GAN: variants seen among roughly 807,000 people sequenced by gnomAD.
The protein encoded by GAN is epididymis secretory sperm binding protein.
GAN carries 48 observed loss-of-function variants against 71.3 expected under a neutral mutation model. That is an observed-to-expected ratio of 0.67 (90% CI 0.53 to 0.86). The LOEUF (loss-of-function observed/expected upper bound fraction) is 0.86. GAN is among the 40% of genes least tolerant of loss of function. The pLI, the probability that GAN is intolerant of heterozygous loss-of-function variation, is 0.00. For missense variants in GAN, 928 were observed against 770.1 expected (o/e 1.21, Z -2.43); for synonymous variants, 386 against 276.8 (o/e 1.39, Z -3.92).
chr16:81,374,828 T>C (rs1047175874), intron 9 of GAN, among the ~76,000 whole-genome samples: 9 of 152,248 alleles, frequency 5.9e-5, no homozygotes, highest in African/African-American at 2.2e-4. Flanking sequence ...TTAGTGGTTA[T>C]TAAATTGATT....
rs778244338 is a variant in GAN at position 81,357,929 on chromosome 16, C to T, written c.971C>T (p.Ala324Val). The change falls in exon 5 of 11, where the codon GCA becomes GTA. Residue 324 changes from alanine to valine, a missense_variant and splice_region_variant. By Grantham distance (64) the Ala-to-Val change is moderately conservative. Coordinates refer to ENST00000648994, the MANE Select transcript of GAN (RefSeq NM_022041.4). ...AGAATTAACCATGGAGTTCTCTCAG[C>T]AGGTACCGTTCTGTGGCAAATTTTC... Reference protein sequence around the residue: ...MPRINHGVLSAEGFLFVFGGQ... With the variant: ...MPRINHGVLSVEGFLFVFGGQ... 19 of 1,613,396 alleles carry T rather than the reference C, an allele frequency of 1.2e-5. No homozygotes were observed. Among genetic ancestry groups the T allele is most frequent in the Non-Finnish European group, 1.6e-5 (19 of 1,179,538 alleles).
intron 1 of GAN, among the ~76,000 whole-genome samples, chr16:81,322,388 G>A (rs1909250407): frequency 6.6e-6 from 1 of 152,220 alleles, no homozygotes; most frequent in South Asian, 2.1e-4. Flanking sequence ...CAACCAACTG[G>A]CAAGGCCTTT....
intron 1 of GAN, among the ~76,000 whole-genome samples, chr16:81,334,073 A>G (rs1355768914): frequency 6.6e-6 from 1 of 152,216 alleles, no homozygotes; most frequent in Non-Finnish European, 1.5e-5. Context: ...TTCAAATCAC[A>G]TGACTCTCAA....
At chr16:81,363,711 C>T in intron 6 of GAN, 83 bp from the exon 7 acceptor site, 2 of 1,410,206 alleles carry the variant, frequency 1.4e-6, no homozygotes, top group East Asian at 2.3e-5. Context: ...TTATGTTTCT[C>T]TAATTTTTAT....
intron 1 of GAN, among the ~76,000 whole-genome samples, chr16:81,343,230 G>A (rs200824560): frequency 3.9e-5 from 6 of 152,098 alleles, no homozygotes; most frequent in Admixed American, 6.6e-5. Flanking sequence ...AAACTATTCC[G>A]ATCAATAGAA....
intron 1 of GAN, among the ~76,000 whole-genome samples, chr16:81,322,814 T>A (rs1909263094): frequency 6.6e-6 from 1 of 152,232 alleles, no homozygotes; most frequent in Non-Finnish European, 1.5e-5. Context: ...CTTTTGTCAC[T>A]TAAATTGTTT....
At chr16:81,340,594 C>A (rs1314947271) in intron 1 of GAN, among the ~76,000 whole-genome samples, 1 of 152,048 alleles carries the variant, frequency 6.6e-6, no homozygotes, top group East Asian at 1.9e-4. Context: ...GCATCAACAT[C>A]AACAAAAAGG....
chr16:81,353,653 G>A (rs1910382116), intron 2 of GAN, among the ~76,000 whole-genome samples: 1 of 152,166 alleles, frequency 6.6e-6, no homozygotes, highest in Non-Finnish European at 1.5e-5. Context: ...ATGCTTTGGG[G>A]TCGTCCACTT....
chr16:81,315,630 GC>G (rs1281841821), intron 1 of GAN, among the ~76,000 whole-genome samples: 1 of 152,136 alleles, frequency 6.6e-6, no homozygotes, highest in Non-Finnish European at 1.5e-5. Flanking sequence ...GCCGTCCTGG[GC>G]CGGCCGGGAC....
In GAN at chr16:81,365,453, G is replaced by C; in HGVS notation, c.1477G>C (p.Glu493Gln). ...TAGCGAGATGGTAACTTGCAAGTCCGAGTTCTACCATGATGAGTTTAAAAG... is the reference window on the plus strand; with the variant it reads ...TAGCGAGATGGTAACTTGCAAGTCCCAGTTCTACCATGATGAGTTTAAAAG... Reference protein sequence around the residue: ...QGSEMVTCKSEFYHDEFKRWI... With the variant: ...QGSEMVTCKSQFYHDEFKRWI... The change falls in exon 9 of 11, where the codon GAG becomes CAG. Residue 493 changes from glutamate to glutamine, a missense_variant. Coordinates refer to ENST00000648994, the MANE Select transcript of GAN (RefSeq NM_022041.4). 1 of 1,613,644 alleles carries C rather than the reference G, an allele frequency of 6.2e-7. No individual in the cohort carries two copies. Among genetic ancestry groups the C allele is most frequent in the Non-Finnish European group, 8.5e-7 (1 of 1,179,922 alleles).
intron 9 of GAN, among the ~76,000 whole-genome samples, chr16:81,373,228 T>G (rs1459483255): frequency 1.3e-5 from 2 of 152,104 alleles, no homozygotes. Context: ...GATGATGGAG[T>G]GATGACCATA....
chr16:81,345,807 C>G (rs1459205188), intron 1 of GAN, among the ~76,000 whole-genome samples: 1 of 152,176 alleles, frequency 6.6e-6, no homozygotes. Flanking sequence ...CCCCATCCTA[C>G]CACTGTCTGC....
chr16:81,353,332 A>G (rs1910368319), intron 2 of GAN, among the ~76,000 whole-genome samples: 1 of 152,008 alleles, frequency 6.6e-6, no homozygotes, highest in Non-Finnish European at 1.5e-5. Flanking sequence ...AAGTTATAAC[A>G]AACTCCTGAA....
intron 1 of GAN, among the ~76,000 whole-genome samples, chr16:81,317,059 A>G (rs768912386): frequency 6.6e-6 from 1 of 151,778 alleles, no homozygotes; most frequent in Non-Finnish European, 1.5e-5. Context: ...GGGTTTTACC[A>G]TGTTGGCCAG....
At chr16:81,324,300 G>T (rs1041861444) in intron 1 of GAN, among the ~76,000 whole-genome samples, 1 of 151,664 alleles carries the variant, frequency 6.6e-6, no homozygotes, top group Non-Finnish European at 1.5e-5. Flanking sequence ...AGCAGTAAAG[G>T]GGTCTAATTA....
Position 81,377,751 on chromosome 16 carries a change from A to T in GAN, c.*155A>T. Reference sequence around the variant, plus strand: ...TATGATGCTTACAAACTTGAGCTTTAGCTCTTGTTTGGGAGAACACGTAAC... The same window carrying T: ...TATGATGCTTACAAACTTGAGCTTTTGCTCTTGTTTGGGAGAACACGTAAC... On this transcript the variant is annotated 3_prime_UTR_variant, in exon 11 of 11. Coordinates refer to ENST00000648994, the MANE Select transcript of GAN (RefSeq NM_022041.4). 1 of 747,554 alleles carries T rather than the reference A, an allele frequency of 1.3e-6. No individual in the cohort carries two copies. The highest frequency in any genetic ancestry group is 2.3e-6 in the Non-Finnish European group (1 of 428,334). 46.3% of individuals were successfully genotyped at this position (747,554 alleles called of 1,614,324 possible). A position where few individuals can be genotyped will look rare whatever the true frequency, so the allele number is the denominator to read the frequency against.
chr16:81,329,874 A>G (rs955648200), intron 1 of GAN, among the ~76,000 whole-genome samples: 1 of 152,080 alleles, frequency 6.6e-6, no homozygotes, highest in Non-Finnish European at 1.5e-5. Context: ...CCCCAGACCC[A>G]CTGATACCAA....
At chr16:81,322,139 G>GCC (rs1909242954) in intron 1 of GAN, among the ~76,000 whole-genome samples, 1 of 152,222 alleles carries the variant, frequency 6.6e-6, no homozygotes, top group South Asian at 2.1e-4. Context: ...GAATGTGAAT[G>GCC]CCCTAATTTC....
At chr16:81,357,990 G>A (rs1597403452) in intron 5 of GAN, 59 bp downstream of exon 5, 5 of 1,422,392 alleles carry the variant, frequency 3.5e-6, no homozygotes, top group Admixed American at 1.7e-5. Flanking sequence ...TAATCTCAAG[G>A]TTTTACAGAA....
Sources: allele counts gnomAD v4.1 joint callset (sites outside exome capture counted in the v4.1 genomes callset), GRCh38; gene constraint gnomAD v4.1.1; transcripts MANE v1.5; gene names NCBI Gene and HGNC (gene_info 2026-07-23, HGNC 2026-07-21).